IRAK3: variants seen among roughly 807,000 people sequenced by gnomAD.
IRAK3 encodes interleukin 1 receptor associated kinase 3.
A neutral mutation model predicts 56.6 loss-of-function variants in IRAK3; 57 were observed. That is an observed-to-expected ratio of 1.01 (90% confidence interval 0.81 to 1.26). The LOEUF (loss-of-function observed/expected upper bound fraction) is 1.26. Among genes scored for constraint, IRAK3 ranks in the 50% most tolerant of loss-of-function variants. The probability of loss-of-function intolerance (pLI) is 0.00; values close to 1 mark genes in which losing one functional copy is unlikely to be tolerated. For missense variants in IRAK3, 703 were observed against 719.0 expected (o/e 0.98, Z 0.25); for synonymous variants, 258 against 255.7 (o/e 1.01, Z -0.09).
At chr12:66,217,696 T>G (rs941692770) in intron 6 of IRAK3, among the ~76,000 whole-genome samples, 6 of 152,182 alleles carry the variant, frequency 3.9e-5, no homozygotes, top group African/African-American at 7.2e-5. Context: ...TGGAGACAAA[T>G]TGAAATGACT....
chr12:66,224,724 C>G (rs2052768528), intron 6 of IRAK3, among the ~76,000 whole-genome samples: 1 of 152,108 alleles, frequency 6.6e-6, no homozygotes, highest in Admixed American at 6.5e-5. Flanking sequence ...GTTAAAGGAA[C>G]AGGCTCAGAG....
At chr12:66,200,220 C>G (rs1457199631) in intron 1 of IRAK3, among the ~76,000 whole-genome samples, 1 of 152,172 alleles carries the variant, frequency 6.6e-6, no homozygotes, top group Non-Finnish European at 1.5e-5. Context: ...GTATATCAGT[C>G]AGGATAAACT....
rs957237985 is a variant in IRAK3 at position 66,189,432 on chromosome 12, G to A, written c.133G>A (p.Ala45Thr). The change falls in exon 1 of 12, where the codon GCA becomes ACA. Residue 45 changes from alanine to threonine, a missense_variant and splice_region_variant. Transcript: ENST00000261233. ...CDGALGWRGL[A>T]ERLSSSWLDV... ...CGGCGCGCTGGGCTGGCGCGGCCTG[G>A]GTGAGTCGGCGGGGACCGGCCGGGG... 1 of 1,304,046 alleles carries A rather than the reference G, an allele frequency of 7.7e-7. No individual in the cohort carries two copies. Among genetic ancestry groups the A allele is most frequent in the Non-Finnish European group, 9.8e-7 (1 of 1,024,408 alleles). 80.8% of individuals were successfully genotyped at this position (1,304,046 alleles called of 1,614,324 possible).
At position 66,254,324 on chromosome 12, in the gene IRAK3, T is replaced by C. The variant is rs1436068652; in HGVS notation, c.*6153T>C. ...ATGGATTAAATAAATTCCATGCAGT[T>C]GTCATTTAAAAATATTTAGATATAT... On this transcript the variant is annotated 3_prime_UTR_variant, in exon 12 of 12. Transcript: ENST00000261233. 1 of 152,132 alleles carries C rather than the reference T, an allele frequency of 6.6e-6. No individual in the cohort carries two copies. The highest frequency in any genetic ancestry group is 1.5e-5 in the Non-Finnish European group (1 of 68,016). 9.4% of individuals were successfully genotyped at this position (152,132 alleles called of 1,614,324 possible).
intron 1 of IRAK3, among the ~76,000 whole-genome samples, chr12:66,200,905 G>A (rs2052501153): frequency 6.6e-6 from 1 of 152,090 alleles, no homozygotes; most frequent in African/African-American, 2.4e-5. Context: ...CTGCCTCCTG[G>A]GTTCAAGTGA....
chr12:66,245,986 G>C (rs1382325031), intron 11 of IRAK3, among the ~76,000 whole-genome samples: 1 of 151,938 alleles, frequency 6.6e-6, no homozygotes, highest in Non-Finnish European at 1.5e-5. Flanking sequence ...GAATATATCA[G>C]TGATCAAGAT....
chr12:66,217,147 G>A (rs201416609), intron 5 of IRAK3, 24 bp from the exon 6 acceptor site: 4 of 1,527,180 alleles, frequency 2.6e-6, no homozygotes, highest in Non-Finnish European at 3.6e-6. Context: ...CCTTAATTTT[G>A]TTCTTGTCTT....
Position 66,224,692 on chromosome 12 carries a change from G to C in IRAK3, c.654-2031G>C, listed in dbSNP as rs1219242128. On this transcript the variant is annotated intron_variant, in intron 6 of 11. Transcript: ENST00000261233. ...CATTTTCATAAGAACCTTGGAAATA[G>C]ATGTTTTAATTACTGATTACAGTTA... 4.6e-5 allele frequency among the ~76,000 whole-genome samples: 7 copies of C among 152,102 alleles called. No homozygotes were observed. The East Asian group carries it at 9.6e-4, about 21-fold the overall frequency.
At chr12:66,190,302 T>C (rs2052386906) in intron 1 of IRAK3, among the ~76,000 whole-genome samples, 1 of 152,154 alleles carries the variant, frequency 6.6e-6, no homozygotes, top group Non-Finnish European at 1.5e-5. Context: ...ATGGTGACAG[T>C]CTTTGAATTG....
chr12:66,247,830 A>T lies in IRAK3; in HGVS notation c.1450A>T (p.Ser484Cys). ...VPSIPVEDDE[S>C]QNNNLLPSDE... ...AAGTATTCCAGTGGAAGATGATGAA[A>T]GCCAGAATAACAATTTACTACCTTC... Residue 484 changes from serine (S) to cysteine (C), a missense_variant, in exon 12 of 12, where the codon AGC becomes TGC. By Grantham distance (112) the Ser-to-Cys change is moderately radical. Transcript: ENST00000261233. 6.2e-7 allele frequency: 1 copy of T among 1,614,208 alleles called. No individual in the cohort carries two copies. The highest frequency in any genetic ancestry group is 2.2e-5 in the East Asian group (1 of 44,880).
intron 7 of IRAK3, among the ~76,000 whole-genome samples, chr12:66,227,984 T>C (rs533124877): frequency 6.6e-6 from 1 of 152,348 alleles, no homozygotes; most frequent in Non-Finnish European, 1.5e-5. Flanking sequence ...TTTTAAGCAG[T>C]GTTACCTTAC....
chr12:66,195,947 A>C (rs2052448001), intron 1 of IRAK3, among the ~76,000 whole-genome samples: 1 of 150,978 alleles, frequency 6.6e-6, no homozygotes, highest in Non-Finnish European at 1.5e-5. Flanking sequence ...GTGAGCCACC[A>C]CACCTGGCCA....
chr12:66,209,555 C>G, intron 3 of IRAK3, 35 bp downstream of exon 3: 2 of 1,256,152 alleles, frequency 1.6e-6, no homozygotes, highest in Non-Finnish European at 2.3e-6. Flanking sequence ...GAGCCTTGAA[C>G]TTTGTTGCAT....
At chr12:66,220,670 G>A (rs1249801973) in intron 6 of IRAK3, among the ~76,000 whole-genome samples, 9 of 150,796 alleles carry the variant, frequency 6.0e-5, no homozygotes, top group South Asian at 2.1e-4. Context: ...ACAGGCGCCC[G>A]CCACTACGCC....
At chr12:66,223,201 CTTCTT>C (rs1383237457) in intron 6 of IRAK3, among the ~76,000 whole-genome samples, 1 of 152,164 alleles carries the variant, frequency 6.6e-6, no homozygotes, top group Non-Finnish European at 1.5e-5. Flanking sequence ...TTAAATATCA[CTTCTT>C]TTGTGATTCT....
chr12:66,225,564 A>C (rs1692565804), intron 6 of IRAK3, among the ~76,000 whole-genome samples: 1 of 152,094 alleles, frequency 6.6e-6, no homozygotes, highest in South Asian at 2.1e-4. Flanking sequence ...GATTTATTTT[A>C]ATATCCCCAA....
At chr12:66,190,530 G>A (rs938394063) in intron 1 of IRAK3, among the ~76,000 whole-genome samples, 8 of 152,318 alleles carry the variant, frequency 5.3e-5, no homozygotes, top group African/African-American at 1.9e-4. Context: ...ATTTCCTAGA[G>A]TTACTGACTT....
intron 8 of IRAK3, among the ~76,000 whole-genome samples, chr12:66,233,341 AC>A (rs1173957114): frequency 6.6e-6 from 1 of 152,058 alleles, no homozygotes; most frequent in Non-Finnish European, 1.5e-5. Context: ...ACACGGTGAA[AC>A]CCCGTCTCTA....
intron 8 of IRAK3, chr12:66,234,453 G>C: frequency 6.2e-7 from 1 of 1,611,216 alleles, no homozygotes; most frequent in South Asian, 1.1e-5. Flanking sequence ...GTGATCATTC[G>C]GTTTGTAGCA....
Sources: allele counts gnomAD v4.1 joint callset (sites outside exome capture counted in the v4.1 genomes callset), GRCh38; gene constraint gnomAD v4.1.1; transcripts MANE v1.5; gene names NCBI Gene and HGNC (gene_info 2026-07-23, HGNC 2026-07-21).